PRIM2: variants seen among roughly 807,000 people sequenced by gnomAD.
The protein encoded by PRIM2 is DNA primase large subunit.
PRIM2 carries 39 observed loss-of-function variants against 67.3 expected under a neutral mutation model. The observed-to-expected ratio is 0.58, with a 90% CI of 0.45 to 0.76. The LOEUF is 0.76. PRIM2 is among the 30% of genes least tolerant of loss of function. The pLI is 0.00. For synonymous variants in PRIM2, 143 were observed against 198.7 expected, an observed-to-expected ratio of 0.72 and a Z score of 2.36; for missense variants, 398 against 598.7, an observed-to-expected ratio of 0.66 and a Z score of 3.50.
At chr6:57,310,565 C>T (rs1326921226), upstream of PRIM2, among the ~76,000 whole-genome samples, 1 of 152,262 alleles carries the variant, frequency 6.6e-6, no homozygotes, top group Non-Finnish European at 1.5e-5. Flanking sequence ...ATTGCTGTCT[C>T]TTTGGAGCTG....
chr6:57,576,210 A>G (rs1775962733), intron 10 of PRIM2, among the ~76,000 whole-genome samples: 1 of 152,194 alleles, frequency 6.6e-6, no homozygotes, highest in South Asian at 2.1e-4. Context: ...TTAAATTCCT[A>G]TAAATAAATA....
In PRIM2 at chr6:57,385,125, A is replaced by T. The variant is rs547000627; in HGVS notation, c.693+2957A>T. 1.3e-3 allele frequency among the ~76,000 whole-genome samples: 192 copies of T among 152,212 alleles called. 1 individual carries two copies. The highest frequency in any genetic ancestry group is 4.5e-3 in the African/African-American group (188 of 41,520). ...TGGCAGATTTTTGCAAAATTTTACAATTTTTTTCTACTTTCTGGGTAGAAG... is the reference window on the plus strand; with the variant it reads ...TGGCAGATTTTTGCAAAATTTTACATTTTTTTTCTACTTTCTGGGTAGAAG... On this transcript the variant is annotated intron_variant, in intron 7 of 13. Coordinates refer to ENST00000615550, the MANE Select transcript of PRIM2 (RefSeq NM_000947.5).
At chr6:57,537,253 T>G (rs1775020000) in intron 9 of PRIM2, among the ~76,000 whole-genome samples, 187 bp from the exon 10 acceptor site, 1 of 152,028 alleles carries the variant, frequency 6.6e-6, no homozygotes, top group Non-Finnish European at 1.5e-5. Flanking sequence ...TTGTAACCAG[T>G]AAAAAATGTT....
At chr6:57,578,843 A>AT (rs1471517020) in intron 10 of PRIM2, among the ~76,000 whole-genome samples, 4 of 151,088 alleles carry the variant, frequency 2.6e-5, no homozygotes, top group South Asian at 2.1e-4. Flanking sequence ...CGCCCGGCTA[A>AT]TTTTTTGTAT....
chr6:57,553,183 C>A (rs1447818342), intron 10 of PRIM2, among the ~76,000 whole-genome samples: 2 of 151,912 alleles, frequency 1.3e-5, no homozygotes, highest in African/African-American at 2.4e-5. Context: ...TAAATATAGT[C>A]GCTTTGTAAT....
chr6:57,405,153 T>A (rs1384763315), intron 7 of PRIM2, among the ~76,000 whole-genome samples: 1 of 152,280 alleles, frequency 6.6e-6, no homozygotes, highest in African/African-American at 2.4e-5. Flanking sequence ...GAAATAGTTT[T>A]TTTTTTTGGT....
At chr6:57,497,197 A>G (rs1218724216) in intron 7 of PRIM2, among the ~76,000 whole-genome samples, 2 of 152,192 alleles carry the variant, frequency 1.3e-5, no homozygotes, top group African/African-American at 4.8e-5. Flanking sequence ...GTTGATGGTT[A>G]GGGCATAAAG....
At chr6:57,626,815 AG>A (rs1776956607) in intron 12 of PRIM2, among the ~76,000 whole-genome samples, 1 of 151,874 alleles carries the variant, frequency 6.6e-6, no homozygotes, top group South Asian at 2.1e-4. Flanking sequence ...TATTAGAGAC[AG>A]GGTTTCTCTG....
At chr6:57,346,630 T>C (rs1160106153) in intron 5 of PRIM2, among the ~76,000 whole-genome samples, 1 of 152,208 alleles carries the variant, frequency 6.6e-6, no homozygotes, top group African/African-American at 2.4e-5. Context: ...GTATACATTT[T>C]TAAAAATTCC....
At chr6:57,285,063 A>C in the PRIM2 span, among the ~76,000 whole-genome samples, 16 of 152,332 alleles carry the variant, frequency 1.1e-4, no homozygotes, top group African/African-American at 3.8e-4. Flanking sequence ...CCCTCCCAAG[A>C]CTAAATCAGG....
chr6:57,338,301 C>T (rs961260629), intron 5 of PRIM2, among the ~76,000 whole-genome samples: 1 of 152,154 alleles, frequency 6.6e-6, no homozygotes, highest in African/African-American at 2.4e-5. Context: ...TGGTACCATT[C>T]CTTCTGAAAC....
At chr6:57,473,313 A>G (rs1331035407) in intron 7 of PRIM2, among the ~76,000 whole-genome samples, 2 of 152,216 alleles carry the variant, frequency 1.3e-5, no homozygotes, top group Non-Finnish European at 2.9e-5. Context: ...GCATTAATCA[A>G]AAAGTATTTA....
chr6:57,498,692 G>A (rs1774061884), intron 7 of PRIM2, among the ~76,000 whole-genome samples: 1 of 152,110 alleles, frequency 6.6e-6, no homozygotes, highest in Non-Finnish European at 1.5e-5. Flanking sequence ...TTCCAAGTGA[G>A]CATTTTTTTC....
chr6:57,408,835 C>T (rs1770988916), intron 7 of PRIM2, among the ~76,000 whole-genome samples: 1 of 151,758 alleles, frequency 6.6e-6, no homozygotes, highest in Admixed American at 6.6e-5. Context: ...CTCAACCTCC[C>T]AAGTAGCTAG....
intron 8 of PRIM2, among the ~76,000 whole-genome samples, chr6:57,514,516 T>C (rs1774439968): frequency 6.6e-6 from 1 of 152,192 alleles, no homozygotes; most frequent in Admixed American, 6.5e-5. Context: ...GGCAGTACCT[T>C]GAACATTTAT....
At chr6:57,483,037 G>T (rs1773667535) in intron 7 of PRIM2, among the ~76,000 whole-genome samples, 1 of 152,066 alleles carries the variant, frequency 6.6e-6, no homozygotes, top group Admixed American at 6.5e-5. Context: ...AGCCTCCAGA[G>T]TAGCTGGGAT....
At chr6:57,401,331 G>A (rs1204061004) in intron 7 of PRIM2, among the ~76,000 whole-genome samples, 2 of 152,058 alleles carry the variant, frequency 1.3e-5, no homozygotes, top group Non-Finnish European at 2.9e-5. Context: ...TTTGTGCAGG[G>A]TCTTGATGTG....
intron 10 of PRIM2, among the ~76,000 whole-genome samples, chr6:57,560,172 C>A (rs1266353791): frequency 1.3e-5 from 2 of 152,122 alleles, no homozygotes; most frequent in Non-Finnish European, 2.9e-5. Context: ...CTTTTGTTGT[C>A]ATTTCAACAG....
At chr6:57,544,230 G>A (rs1466128893) in intron 10 of PRIM2, among the ~76,000 whole-genome samples, 7 of 151,876 alleles carry the variant, frequency 4.6e-5, no homozygotes, top group Non-Finnish European at 7.4e-5. Context: ...AGTTTATGGC[G>A]CGGTTGGAAT....
Sources: allele counts gnomAD v4.1 joint callset (sites outside exome capture counted in the v4.1 genomes callset), GRCh38; gene constraint gnomAD v4.1.1; transcripts MANE v1.5; gene names NCBI Gene and HGNC (gene_info 2026-07-23, HGNC 2026-07-21).